The following CYP3A4 variants were observed in gnomAD, a reference collection of about 807,000 sequenced individuals.
The protein encoded by CYP3A4 is cytochrome P450 3A4.
Under a neutral mutation model 54.9 loss-of-function variants are expected in CYP3A4, and 41 were observed. The ratio of observed to expected loss-of-function variants is 0.75; its 90% CI spans 0.58 to 0.97. The LOEUF is 0.97. Ranked by LOEUF, CYP3A4 falls within the 50% of genes least tolerant of loss-of-function variation. The probability of loss-of-function intolerance (pLI) is 0.00; values close to 1 mark genes in which losing one functional copy is unlikely to be tolerated. For synonymous variants in CYP3A4, 179 were observed against 205.2 expected (o/e 0.87, Z 1.09); for missense variants, 510 against 597.3 (o/e 0.85, Z 1.52).
chr7:99,776,739 G>T (rs1815781437), intron 3 of CYP3A4, among the ~76,000 whole-genome samples: 1 of 152,140 alleles, frequency 6.6e-6, no homozygotes, highest in Non-Finnish European at 1.5e-5. Flanking sequence ...AATACCTAAT[G>T]TAGGTGACAG....
At chr7:99,760,198 C>T (rs1443243013) in intron 12 of CYP3A4, among the ~76,000 whole-genome samples, 2 of 152,098 alleles carry the variant, frequency 1.3e-5, no homozygotes, top group African/African-American at 4.8e-5. Context: ...GAGCTAGGCA[C>T]CTGGAAGGTG....
intron 9 of CYP3A4, among the ~76,000 whole-genome samples, chr7:99,766,051 TA>T (rs1815469404): frequency 6.6e-6 from 1 of 152,176 alleles, no homozygotes; most frequent in Non-Finnish European, 1.5e-5. Flanking sequence ...AGCAACCTAA[TA>T]AATTTCTAGG....
intron 1 of CYP3A4, 27 bp from the exon 2 acceptor site, chr7:99,780,112 A>G: frequency 6.2e-7 from 1 of 1,601,746 alleles, no homozygotes; most frequent in Non-Finnish European, 8.6e-7. Context: ...AAATCAAGTC[A>G]CAGCGATTGT....
chr7:99,762,306 T>C, intron 10 of CYP3A4, 39 bp from the exon 11 acceptor site: 1 of 1,604,582 alleles, frequency 6.2e-7, no homozygotes, highest in Non-Finnish European at 8.5e-7. Context: ...ATTGAGATTT[T>C]GAATTAACTT....
rs374907639 is a variant in CYP3A4 at position 99,768,449 on chromosome 7, T to C, written c.575A>G (p.Asn192Ser). The change falls in exon 7 of 13, where the codon AAC becomes AGC. Residue 192 changes from asparagine (N) to serine (S), a missense_variant. This residue lies in a region of CYP3A4 where 272 missense variants were observed against 274.9 expected (regional missense o/e 0.99). Transcript: ENST00000651514. ...DVITSTSFGVNIDSLNNPQDP... is the reference protein window; with the variant it reads ...DVITSTSFGVSIDSLNNPQDP... The stretch of plus-strand genomic sequence containing the variant: ...TTGTGGATTGTTGAGAGAGTCGATG[T>C]TCACTCCAAATGATGTGCTAGTGAT... 4.3e-5 allele frequency: 70 copies of C among 1,613,932 alleles called. 1 individual carries two copies. The highest frequency in any genetic ancestry group is 1.4e-4 in the South Asian group (13 of 91,084).
intron 3 of CYP3A4, among the ~76,000 whole-genome samples, chr7:99,777,477 TGTGTGTG>T (rs1022089695): frequency 0.018 from 3 of 170 alleles, no homozygotes; most frequent in African/African-American, 0.048. Flanking sequence ...TGTCACTAGT[TGTGTGTG>T]TGTGTGTGTG....
Position 99,762,382 on chromosome 7 carries a change from G to A in CYP3A4, c.1027-115C>T, listed in dbSNP as rs1054089388. On this transcript the variant is annotated intron_variant, in intron 10 of 12. Transcript: ENST00000651514. ...CCAGAGACTAACTCATACTGGTAAA[G>A]GATCGAAGCATTTATAAAGTGTTTT... 1.4e-4 allele frequency: 189 copies of A among 1,350,112 alleles called. No individual in the cohort carries two copies. In the African/African-American group the frequency reaches 2.4e-3, roughly 17 times the overall value. The allele number at this position is 1,350,112 out of a possible 1,614,324, so 83.6% of individuals were successfully genotyped here. A position where few individuals can be genotyped will look rare whatever the true frequency, so the allele number is the denominator to read the frequency against.
At chr7:99,770,763 G>A (rs150639557) in intron 4 of CYP3A4, among the ~76,000 whole-genome samples, 2 of 152,214 alleles carry the variant, frequency 1.3e-5, no homozygotes, top group East Asian at 3.9e-4. Context: ...AAGAAATAAT[G>A]CAATTCCATA....
At position 99,757,670 on chromosome 7, in the gene CYP3A4, T is replaced by C. The variant is rs528988199; in HGVS notation, c.*463A>G. 1 of 162,288 alleles carries C rather than the reference T, an allele frequency of 6.2e-6. No individual in the cohort carries two copies. Among genetic ancestry groups the C allele is most frequent in the Non-Finnish European group, 1.4e-5 (1 of 73,616 alleles). 10.1% of individuals were successfully genotyped at this position (162,288 alleles called of 1,614,324 possible). On this transcript the variant is annotated 3_prime_UTR_variant, in exon 13 of 13. Coordinates refer to ENST00000651514, the MANE Select transcript of CYP3A4 (RefSeq NM_017460.6). ...TCTCCTTAATGTGCAGGAAAGCATC[T>C]GATAATACTTTTGTAAAGTGGTCTT...
intron 2 of CYP3A4, among the ~76,000 whole-genome samples, chr7:99,778,775 G>A (rs1284871585): frequency 1.3e-5 from 2 of 152,048 alleles, no homozygotes; most frequent in Non-Finnish European, 2.9e-5. Context: ...TTCCTGTATC[G>A]ACATTTCAGG....
intron 5 of CYP3A4, 124 bp from the exon 6 acceptor site, chr7:99,769,980 G>T (rs2151560068): frequency 1.9e-6 from 3 of 1,563,940 alleles, no homozygotes; most frequent in Non-Finnish European, 2.6e-6. Flanking sequence ...TGTGTTTTCT[G>T]TACATAAAGA....
chr7:99,783,854 T>C (rs1815990210), intron 1 of CYP3A4, among the ~76,000 whole-genome samples, 157 bp downstream of exon 1: 1 of 152,086 alleles, frequency 6.6e-6, no homozygotes, highest in Admixed American at 6.5e-5. Context: ...GGCAGTCCAC[T>C]TGCCTTAGCC....
In CYP3A4 at chr7:99,757,722, A is replaced by C; in HGVS notation, c.*411T>G. On this transcript the variant is annotated 3_prime_UTR_variant, in exon 13 of 13. Transcript: ENST00000651514. ...ATTGATTTAACATAAAACTTATAGA[A>C]TACTCCAGAGAAAACATGTGATATA... The C allele has an allele frequency of 5.6e-6, 1 of 177,586 alleles. No homozygotes were observed. Among genetic ancestry groups the C allele is most frequent in the Admixed American group, 5.4e-5 (1 of 18,396 alleles). The allele number at this position is 177,586 out of a possible 1,614,324, so 11.0% of individuals were successfully genotyped here. A position where few individuals can be genotyped will look rare whatever the true frequency, so the allele number is the denominator to read the frequency against.
At chr7:99,761,969 T>G in intron 11 of CYP3A4, 72 bp downstream of exon 11, 1 of 1,312,570 alleles carries the variant, frequency 7.6e-7, no homozygotes, top group Non-Finnish European at 1.1e-6. Context: ...GACTGTCCTG[T>G]AGATTAAGAG....
chr7:99,765,354 T>C (rs1815447486), intron 9 of CYP3A4, among the ~76,000 whole-genome samples: 1 of 152,212 alleles, frequency 6.6e-6, no homozygotes, highest in African/African-American at 2.4e-5. Flanking sequence ...CAATAGACTA[T>C]TTCCTTTATC....
At position 99,772,696 on chromosome 7, in the gene CYP3A4, G is replaced by A. The variant is rs1349058684; in HGVS notation, c.219-7C>T. ...CTGTTGACCATCATAAAAGCTGTGT[G>A]AAAAAAACAGAGTTGATTAAACATC... On this transcript the variant is annotated splice_region_variant and splice_polypyrimidine_tract_variant and intron_variant, in intron 3 of 12. Transcript: ENST00000651514. 1 of 1,611,220 alleles carries A rather than the reference G, an allele frequency of 6.2e-7. No individual in the cohort carries two copies. The highest frequency in any genetic ancestry group is 1.1e-5 in the South Asian group (1 of 90,626).
chr7:99,781,937 T>C (rs1471865730), intron 1 of CYP3A4, among the ~76,000 whole-genome samples: 1 of 152,202 alleles, frequency 6.6e-6, no homozygotes, highest in African/African-American at 2.4e-5. Flanking sequence ...TGATAATATG[T>C]GGTAAAATAC....
In CYP3A4 at chr7:99,758,194, T is replaced by C. The variant is rs1584538366; in HGVS notation, c.1451A>G (p.Gln484Arg). 6.2e-7 allele frequency: 1 copy of C among 1,614,028 alleles called. No homozygotes were observed. The change falls in exon 13 of 13, where the codon CAA becomes CGA. Residue 484 changes from glutamine to arginine, a missense_variant. Transcript: ENST00000651514. ...PLKLSLGGLL[Q>R]PEKPVVLKVE... ...CTTTAGAACAACGGGTTTTTCTGGT[T>C]GAAGAAGTCCTCCTAAGCTTAATTT...
At chr7:99,776,479 G>C (rs935546639) in intron 3 of CYP3A4, among the ~76,000 whole-genome samples, 1 of 152,154 alleles carries the variant, frequency 6.6e-6, no homozygotes, top group African/African-American at 2.4e-5. Flanking sequence ...AAGAAAATGT[G>C]CCACGTATAC....
Sources: gnomAD v4.1 joint callset for allele counts (sites outside exome capture counted in the v4.1 genomes callset) on GRCh38, gnomAD v4.1.1 for gene constraint, gnomAD v4.1.1 regional missense constraint, MANE v1.5 for transcripts, NCBI Gene and HGNC (gene_info 2026-07-23, HGNC 2026-07-21) for gene names.